Variants in SETDB2 observed in about 807,000 individuals in gnomAD.
The protein encoded by SETDB2 is SET domain bifurcated histone lysine methyltransferase 2.
Under a neutral mutation model 82.5 loss-of-function variants are expected in SETDB2, and 56 were observed. The ratio of observed to expected loss-of-function variants is 0.68; its 90% CI spans 0.55 to 0.85. The LOEUF (loss-of-function observed/expected upper bound fraction) is 0.85. SETDB2 is among the 40% of genes least tolerant of loss of function. The pLI is 0.00. For missense variants in SETDB2, 677 were observed against 816.4 expected (o/e 0.83, Z 2.08); for synonymous variants, 272 against 284.9 (o/e 0.95, Z 0.46).
At position 49,483,965 on chromosome 13, in the gene SETDB2, C is replaced by T. The variant is rs1958538700; in HGVS notation, c.1482+402C>T. ...TAAACTATTGCCTTCCTATCCTTTA[C>T]TTAGCTCAAAATGTTTGTGTTACTT... On this transcript the variant is annotated intron_variant, in intron 10 of 13. Transcript: ENST00000611815. 2.0e-5 allele frequency among the ~76,000 whole-genome samples: 3 copies of T among 151,300 alleles called. No homozygotes were observed. In the South Asian group the frequency reaches 6.3e-4, roughly 32 times the overall value.
intron 2 of SETDB2, among the ~76,000 whole-genome samples, chr13:49,456,637 T>C (rs895398500): frequency 3.9e-5 from 6 of 152,204 alleles, no homozygotes; most frequent in Non-Finnish European, 2.9e-5. Flanking sequence ...TAGGTTATAA[T>C]GCTGAGCATG....
At chr13:49,487,284 C>T (rs188569817) in intron 11 of SETDB2, among the ~76,000 whole-genome samples, 43 of 152,128 alleles carry the variant, frequency 2.8e-4, no homozygotes, top group African/African-American at 9.6e-4. Flanking sequence ...CTTTGTGGCT[C>T]TTTTAAAGTA....
chr13:49,471,928 A>ATT (rs1413037996), intron 5 of SETDB2, among the ~76,000 whole-genome samples: 3 of 68,298 alleles, frequency 4.4e-5, no homozygotes, highest in African/African-American at 1.9e-4. Flanking sequence ...ATATATATAT[A>ATT]TATATATTTT....
At position 49,494,628 on chromosome 13, in the gene SETDB2, C is replaced by G. The variant is rs1295778648; in HGVS notation, c.*2779C>G. 1 of 149,752 alleles carries G rather than the reference C, an allele frequency of 6.7e-6. No individual in the cohort carries two copies. The highest frequency in any genetic ancestry group is 2.0e-4 in the East Asian group (1 of 5,030). 9.3% of individuals were successfully genotyped at this position (149,752 alleles called of 1,614,324 possible). A position where few individuals can be genotyped will look rare whatever the true frequency, so the allele number is the denominator to read the frequency against. The stretch of plus-strand genomic sequence containing the variant: ...CTGGCAAGAAATACTCTTTCATCCT[C>G]CTGCATGGAGGGCAAAAAAAAATTT... On this transcript the variant is annotated 3_prime_UTR_variant, in exon 14 of 14. Coordinates refer to ENST00000611815, the MANE Select transcript of SETDB2 (RefSeq NM_001160308.3).
chr13:49,471,104 G>A (rs1958231655), intron 5 of SETDB2, among the ~76,000 whole-genome samples: 2 of 151,084 alleles, frequency 1.3e-5, no homozygotes, highest in South Asian at 4.2e-4. Context: ...CAAGTAGCTA[G>A]GACTACAGGT....
chr13:49,482,760 A>G lies in SETDB2; in HGVS notation c.1180A>G (p.Thr394Ala), dbSNP rs1958505328. The change falls in exon 9 of 14, where the codon ACT becomes GCT. Residue 394 changes from threonine to alanine, a missense_variant. Thr to Ala is a moderately conservative substitution (Grantham distance 58, BLOSUM62 0). Around this residue, in one of 3 missense-constraint regions of SETDB2, gnomAD observed 420 missense variants for 554.6 expected, o/e 0.76. Transcript: ENST00000611815. ...AGGAAGATTACTAAGCAGAGCTAAC[A>G]CTGAAAAATCTTATGGTATTGATGA... ...YSGRLLSRANTEKSYGIDENG... is the reference protein window; with the variant it reads ...YSGRLLSRANAEKSYGIDENG... 6.2e-7 allele frequency: 1 copy of G among 1,611,344 alleles called. No homozygotes were observed. Among genetic ancestry groups the G allele is most frequent in the Non-Finnish European group, 8.5e-7 (1 of 1,178,096 alleles).
intron 4 of SETDB2, 81 bp downstream of exon 4, chr13:49,461,243 CTAAT>C: frequency 2.3e-6 from 2 of 857,850 alleles, no homozygotes; most frequent in Admixed American, 2.4e-5. Context: ...ATATGTTGGG[CTAAT>C]TAAAGATAAT....
chr13:49,487,448 A>ACT (rs1958619668), intron 11 of SETDB2, among the ~76,000 whole-genome samples: 1 of 151,984 alleles, frequency 6.6e-6, no homozygotes, highest in East Asian at 1.9e-4. Context: ...CAGTCCTCCC[A>ACT]CCTCAGTCTC....
chr13:49,471,934 AT>A (rs35468680), intron 5 of SETDB2, among the ~76,000 whole-genome samples: 2,270 of 119,216 alleles, frequency 0.019, 28 homozygotes, highest in African/African-American at 0.025. Context: ...ATATATATAT[AT>A]TTTTTTTTTT....
intron 2 of SETDB2, among the ~76,000 whole-genome samples, chr13:49,459,287 T>A (rs1182229002): frequency 1.3e-5 from 2 of 152,202 alleles, no homozygotes. Context: ...TAATTTGTGT[T>A]AGGGAAAATG....
At chr13:49,449,447 C>T (rs747959434) in intron 1 of SETDB2, among the ~76,000 whole-genome samples, 4 of 152,032 alleles carry the variant, frequency 2.6e-5, no homozygotes, top group East Asian at 3.9e-4. Context: ...GATGGGATTT[C>T]GCCATGTTGG....
rs1352235098 is a variant in SETDB2, at chr13:49,491,852, A to G, written c.*3A>G. 4 of 1,565,828 alleles carry G rather than the reference A, an allele frequency of 2.6e-6. No individual in the cohort carries two copies. The highest frequency in any genetic ancestry group is 3.5e-6 in the Non-Finnish European group (4 of 1,136,740). ...AATGTAGAAAAAAAATATTATAAAT[A>G]TGTAACTAACGCCTGTTTGTGAAAT... On this transcript the variant is annotated 3_prime_UTR_variant, in exon 14 of 14. Transcript: ENST00000611815.
intron 4 of SETDB2, among the ~76,000 whole-genome samples, chr13:49,463,348 A>G (rs1227785102): frequency 6.6e-6 from 1 of 152,102 alleles, no homozygotes; most frequent in East Asian, 1.9e-4. Flanking sequence ...TGCGGGAATT[A>G]GGAGGACCAG....
intron 6 of SETDB2, among the ~76,000 whole-genome samples, chr13:49,477,526 A>C (rs891854165): frequency 1.3e-5 from 2 of 152,236 alleles, no homozygotes; most frequent in Admixed American, 6.5e-5. Flanking sequence ...TTATTTGCCA[A>C]ATATGGTAAT....
intron 12 of SETDB2, chr13:49,489,442 A>G (rs1177750837): frequency 6.6e-6 from 1 of 150,884 alleles, no homozygotes; most frequent in Non-Finnish European, 1.5e-5. Flanking sequence ...TGTTACAGTG[A>G]TGTAAAAATT....
chr13:49,470,381 G>C (rs1310317075), intron 5 of SETDB2, among the ~76,000 whole-genome samples: 3 of 152,142 alleles, frequency 2.0e-5, no homozygotes, highest in Non-Finnish European at 4.4e-5. Flanking sequence ...TTTCATTCTT[G>C]ACTGGAATTA....
At position 49,493,703 on chromosome 13, in the gene SETDB2, A is replaced by G. The variant is rs1160106910; in HGVS notation, c.*1854A>G. The G allele has an allele frequency of 1.3e-5, 2 of 152,188 alleles. No homozygotes were observed. The highest frequency in any genetic ancestry group is 2.4e-5 in the African/African-American group (1 of 41,428). The allele number at this position is 152,188 out of a possible 1,614,324, so 9.4% of individuals were successfully genotyped here. A position where few individuals can be genotyped will look rare whatever the true frequency, so the allele number is the denominator to read the frequency against. On this transcript the variant is annotated 3_prime_UTR_variant, in exon 14 of 14. Transcript: ENST00000611815. ...ATACCTGATTGCTGTTTTGGTTGGC[A>G]AGGTATAGGATTCTTTAGTGGTCTC...
intron 12 of SETDB2, 193 bp downstream of exon 12, chr13:49,488,823 A>T (rs9568222): frequency 0.057 from 28,874 of 504,646 alleles, 1,358 homozygotes; most frequent in East Asian, 0.19. Flanking sequence ...TACAGGGATA[A>T]ATGATAACTG....
At position 49,491,866 on chromosome 13, in the gene SETDB2, T is replaced by G. The variant is rs1208415976; in HGVS notation, c.*17T>G. The G allele has an allele frequency of 6.6e-7, 1 of 1,526,192 alleles. No homozygotes were observed. The highest frequency in any genetic ancestry group is 1.1e-5 in the South Asian group (1 of 89,132). The allele number at this position is 1,526,192 out of a possible 1,614,324, so 94.5% of individuals were successfully genotyped here. A position where few individuals can be genotyped will look rare whatever the true frequency, so the allele number is the denominator to read the frequency against. The stretch of plus-strand genomic sequence containing the variant: ...ATATTATAAATATGTAACTAACGCC[T>G]GTTTGTGAAATTAGCTTATCAGGCT... On this transcript the variant is annotated 3_prime_UTR_variant, in exon 14 of 14. Coordinates refer to ENST00000611815, the MANE Select transcript of SETDB2 (RefSeq NM_001160308.3).
Sources: gnomAD v4.1 joint callset for allele counts (sites outside exome capture counted in the v4.1 genomes callset) on GRCh38, gnomAD v4.1.1 for gene constraint, gnomAD v4.1.1 regional missense constraint, MANE v1.5 for transcripts, NCBI Gene and HGNC (gene_info 2026-07-23, HGNC 2026-07-21) for gene names.